Variants in CTNNA3 observed in about 807,000 individuals in gnomAD.
The protein encoded by CTNNA3 is catenin alpha 3, also known as catenin alpha-3.
CTNNA3 carries 76 observed loss-of-function variants against 95.7 expected under a neutral mutation model. The observed-to-expected ratio is 0.79, with a 90% CI of 0.66 to 0.96. The LOEUF (loss-of-function observed/expected upper bound fraction) is 0.96. CTNNA3 is among the 40% of genes least tolerant of loss of function. The probability of loss-of-function intolerance (pLI) is 0.00; values close to 1 mark genes in which losing one functional copy is unlikely to be tolerated. For missense variants in CTNNA3, 1,191 were observed against 1,089.8 expected (o/e 1.09, Z -1.31); for synonymous variants, 431 against 374.4 (o/e 1.15, Z -1.74).
intron 1 of CTNNA3, among the ~76,000 whole-genome samples, chr10:67,713,304 G>A (rs758368945): frequency 2.6e-5 from 4 of 152,186 alleles, no homozygotes; most frequent in Non-Finnish European, 4.4e-5. Context: ...GAGAGCATGT[G>A]GAGAAATAGG....
intron 5 of CTNNA3, among the ~76,000 whole-genome samples, chr10:67,516,592 A>G (rs976666748): frequency 2.0e-5 from 3 of 152,196 alleles, no homozygotes; most frequent in African/African-American, 7.2e-5. Context: ...CAAAGATTGA[A>G]TATATTCAAA....
chr10:67,475,274 T>C (rs781763133), intron 5 of CTNNA3, among the ~76,000 whole-genome samples: 18 of 151,926 alleles, frequency 1.2e-4, no homozygotes, highest in Non-Finnish European at 1.8e-4. Flanking sequence ...GGAAGAGGAG[T>C]TAACCACAAG....
chr10:67,119,896 T>C (rs534735286), intron 7 of CTNNA3, among the ~76,000 whole-genome samples: 28 of 151,862 alleles, frequency 1.8e-4, no homozygotes, highest in Admixed American at 4.6e-4. Flanking sequence ...CTGCCTTAGG[T>C]TTCCTAGGCA....
chr10:66,504,975 A>C (rs1285560381), intron 11 of CTNNA3, among the ~76,000 whole-genome samples: 1 of 152,196 alleles, frequency 6.6e-6, no homozygotes, highest in Non-Finnish European at 1.5e-5. Context: ...GCAAGTCTAA[A>C]ATGCAAATCC....
chr10:67,049,167 C>G (rs548912494), intron 7 of CTNNA3, among the ~76,000 whole-genome samples: 1 of 151,860 alleles, frequency 6.6e-6, no homozygotes, highest in African/African-American at 2.4e-5. Context: ...GAGACAGCAT[C>G]ATTTAGAGGA....
intron 13 of CTNNA3, among the ~76,000 whole-genome samples, chr10:66,216,690 T>C (rs1380633722): frequency 6.6e-6 from 1 of 152,236 alleles, no homozygotes; most frequent in African/African-American, 2.4e-5. Context: ...GAGCCATTTT[T>C]TAATGCTTTT....
chr10:66,603,159 G>T, intron 10 of CTNNA3, among the ~76,000 whole-genome samples: 1 of 151,956 alleles, frequency 6.6e-6, no homozygotes, highest in East Asian at 1.9e-4. Flanking sequence ...AATTATCCTC[G>T]TTTGTATATA....
rs533836042 is a variant in CTNNA3 at position 66,770,048 on chromosome 10, A to G, written c.1129-3632T>C. ...CTCCAATGTCTTATGTAAACTACTC[A>G]TTGCTAATTATACTCTACTACCTTG... On this transcript the variant is annotated intron_variant, in intron 8 of 17. Coordinates refer to ENST00000433211, the MANE Select transcript of CTNNA3 (RefSeq NM_013266.4). Among the ~76,000 whole-genome samples the G allele has an allele frequency of 3.9e-5, 6 of 152,254 alleles. No homozygotes were observed. In the South Asian group the frequency reaches 1.0e-3, roughly 26 times the overall value.
intron 7 of CTNNA3, among the ~76,000 whole-genome samples, chr10:66,859,656 C>T (rs1237757515): frequency 7.0e-6 from 1 of 142,546 alleles, no homozygotes; most frequent in East Asian, 1.9e-4. Flanking sequence ...CCCAGCCATC[C>T]CATTACTGGG....
At chr10:67,312,705 G>A (rs767086629) in intron 5 of CTNNA3, among the ~76,000 whole-genome samples, 8 of 152,128 alleles carry the variant, frequency 5.3e-5, no homozygotes, top group Non-Finnish European at 1.0e-4. Flanking sequence ...TCCCTGGACC[G>A]TAACAATTTT....
intron 11 of CTNNA3, among the ~76,000 whole-genome samples, chr10:66,449,352 A>G (rs1175935078): frequency 1.3e-5 from 2 of 152,090 alleles, no homozygotes; most frequent in East Asian, 3.9e-4. Flanking sequence ...CAAAGAAACA[A>G]GATGGGAGAA....
chr10:66,500,844 T>A (rs1840255749), intron 11 of CTNNA3, among the ~76,000 whole-genome samples: 1 of 152,152 alleles, frequency 6.6e-6, no homozygotes, highest in Non-Finnish European at 1.5e-5. Context: ...TGGGGGATTG[T>A]AGGGTAGTTG....
chr10:67,173,486 T>C (rs1278486786), intron 7 of CTNNA3, among the ~76,000 whole-genome samples: 1 of 152,242 alleles, frequency 6.6e-6, no homozygotes, highest in Non-Finnish European at 1.5e-5. Flanking sequence ...TGCCTTTCTT[T>C]ATATGTTTCC....
chr10:67,037,038 G>A (rs1440715931), intron 7 of CTNNA3, among the ~76,000 whole-genome samples: 2 of 152,102 alleles, frequency 1.3e-5, no homozygotes, highest in Non-Finnish European at 2.9e-5. Flanking sequence ...TGGGTGTTCC[G>A]GGGCTACCTG....
chr10:67,722,521 G>A (rs1465798409), intron 1 of CTNNA3, among the ~76,000 whole-genome samples: 2 of 152,168 alleles, frequency 1.3e-5, no homozygotes, highest in Non-Finnish European at 2.9e-5. Context: ...TATCCCAAAA[G>A]AAACTGTCAA....
chr10:65,967,586 C>T lies in CTNNA3; in HGVS notation c.2266-840G>A, dbSNP rs765373312. On this transcript the variant is annotated intron_variant, in intron 16 of 17. Transcript: ENST00000433211. Reference sequence around the variant, plus strand: ...AGGAAATTATTTCTACCTTAGATAACAGCTGTGAATACAACTGAAGCCAAG... The same window carrying T: ...AGGAAATTATTTCTACCTTAGATAATAGCTGTGAATACAACTGAAGCCAAG... 3.2e-4 allele frequency among the ~76,000 whole-genome samples: 49 copies of T among 152,150 alleles called. 1 individual carries two copies. Among genetic ancestry groups the T allele is most frequent in the Non-Finnish European group, 6.6e-4 (45 of 68,024 alleles).
intron 14 of CTNNA3, among the ~76,000 whole-genome samples, chr10:66,102,682 TTG>T (rs1372746562): frequency 4.6e-5 from 7 of 151,054 alleles, no homozygotes; most frequent in Non-Finnish European, 1.0e-4. Flanking sequence ...ATATTTGGAG[TTG>T]TGTGGTGGTG....
At chr10:66,004,259 T>C (rs1297983133) in intron 15 of CTNNA3, among the ~76,000 whole-genome samples, 1 of 152,240 alleles carries the variant, frequency 6.6e-6, no homozygotes, top group African/African-American at 2.4e-5. Context: ...TTCCCAGCCG[T>C]TGTTCTAAGT....
intron 17 of CTNNA3, among the ~76,000 whole-genome samples, chr10:65,925,516 A>G (rs973491255): frequency 8.6e-5 from 13 of 151,916 alleles, no homozygotes; most frequent in African/African-American, 3.1e-4. Flanking sequence ...AGCTTACTGC[A>G]ACTTCCACCT....
Sources: allele counts gnomAD v4.1 joint callset (sites outside exome capture counted in the v4.1 genomes callset), GRCh38; gene constraint gnomAD v4.1.1; transcripts MANE v1.5; gene names NCBI Gene and HGNC (gene_info 2026-07-23, HGNC 2026-07-21).